The following COMMD9 variants were observed in gnomAD, a reference collection of about 807,000 sequenced individuals.
The protein encoded by COMMD9 is COMM domain-containing protein 9.
Under a neutral mutation model 23.4 loss-of-function variants are expected in COMMD9, and 22 were observed. The observed-to-expected ratio is 0.94, with a 90% CI of 0.67 to 1.34. COMMD9 has a LOEUF of 1.34. Among genes scored for constraint, COMMD9 ranks in the 40% most tolerant of loss-of-function variants. The pLI, the probability that COMMD9 is intolerant of heterozygous loss-of-function variation, is 0.00. For synonymous variants in COMMD9, 99 were observed against 97.4 expected, an observed-to-expected ratio of 1.02 and a Z score of -0.10; for missense variants, 231 against 240.2, an observed-to-expected ratio of 0.96 and a Z score of 0.25.
chr11:36,276,428 T>G (rs572746813), intron 4 of COMMD9, 188 bp from the exon 5 acceptor site: 1 of 543,854 alleles, frequency 1.8e-6, no homozygotes, highest in Non-Finnish European at 3.3e-6. Context: ...TGCTCTGTGC[T>G]GCCTGCACTT....
chr11:36,277,484 C>T (rs887664969), intron 3 of COMMD9, among the ~76,000 whole-genome samples: 3 of 152,196 alleles, frequency 2.0e-5, no homozygotes, highest in Non-Finnish European at 2.9e-5. Flanking sequence ...ACAAATATTG[C>T]ATCTTCTGCA....
At chr11:36,274,844 C>A (rs1002740465) in intron 5 of COMMD9, 72 bp from the exon 6 acceptor site, 4 of 1,575,024 alleles carry the variant, frequency 2.5e-6, no homozygotes, top group Non-Finnish European at 3.5e-6. Flanking sequence ...AGCCCTGAAC[C>A]TGCGAGGCTG....
At chr11:36,285,923 G>A (rs190709542) in intron 1 of COMMD9, among the ~76,000 whole-genome samples, 1 of 152,264 alleles carries the variant, frequency 6.6e-6, no homozygotes, top group Non-Finnish European at 1.5e-5. Flanking sequence ...AACCTACAGT[G>A]AACATTATAC....
intron 4 of COMMD9, 196 bp downstream of exon 4, chr11:36,276,893 T>C (rs2133424730): frequency 2.5e-6 from 1 of 403,140 alleles, no homozygotes. Context: ...TTTAACAACA[T>C]GCCTATATAA....
At chr11:36,282,522 A>C (rs1337144641) in intron 1 of COMMD9, among the ~76,000 whole-genome samples, 1 of 152,158 alleles carries the variant, frequency 6.6e-6, no homozygotes, top group East Asian at 1.9e-4. Flanking sequence ...GGAAAAAAAA[A>C]CTGTCAACCT....
chr11:36,280,202 A>G (rs917223620), intron 2 of COMMD9, among the ~76,000 whole-genome samples: 2 of 152,262 alleles, frequency 1.3e-5, no homozygotes, highest in Non-Finnish European at 2.9e-5. Context: ...TGTCACTGCT[A>G]CATAATAACT....
At chr11:36,278,441 A>C in intron 3 of COMMD9, 36 bp downstream of exon 3, 1 of 1,566,820 alleles carries the variant, frequency 6.4e-7, no homozygotes, top group Non-Finnish European at 8.8e-7. Flanking sequence ...AAGAAATGTA[A>C]AAGTTAGAAG....
intron 5 of COMMD9, 60 bp downstream of exon 5, chr11:36,276,077 T>C (rs1377917804): frequency 7.4e-6 from 9 of 1,216,196 alleles, no homozygotes. Flanking sequence ...TGGAGACTAG[T>C]GTTTTAGACG....
chr11:36,273,145 T>A lies in COMMD9; in HGVS notation c.*1487A>T, dbSNP rs989169797. The A allele has an allele frequency of 6.6e-6, 1 of 152,244 alleles. No homozygotes were observed. Among genetic ancestry groups the A allele is most frequent in the Admixed American group, 6.5e-5 (1 of 15,288 alleles). The allele number at this position is 152,244 out of a possible 1,614,324, so 9.4% of individuals were successfully genotyped here. A position where few individuals can be genotyped will look rare whatever the true frequency, so the allele number is the denominator to read the frequency against. Reference sequence around the variant, plus strand: ...AGTACAAAGTGGGTGAAAATTGAGATGTAGAAGTCAAGCACCTTACCACTG... The same window carrying A: ...AGTACAAAGTGGGTGAAAATTGAGAAGTAGAAGTCAAGCACCTTACCACTG... On this transcript the variant is annotated 3_prime_UTR_variant, in exon 6 of 6. Transcript: ENST00000263401.
At chr11:36,282,565 G>A (rs994265317) in intron 1 of COMMD9, among the ~76,000 whole-genome samples, 1 of 152,044 alleles carries the variant, frequency 6.6e-6, no homozygotes, top group Non-Finnish European at 1.5e-5. Flanking sequence ...TATCCTTCAG[G>A]AATGAAGAAG....
intron 1 of COMMD9, among the ~76,000 whole-genome samples, chr11:36,284,109 AAC>A: frequency 7.1e-6 from 1 of 141,712 alleles, no homozygotes; most frequent in Non-Finnish European, 1.6e-5. Context: ...CTGTCTCAAC[AAC>A]AACAACAACA....
chr11:36,282,356 T>C (rs576961373), intron 1 of COMMD9, among the ~76,000 whole-genome samples: 2 of 151,998 alleles, frequency 1.3e-5, no homozygotes, highest in African/African-American at 4.8e-5. Flanking sequence ...AGACATATAA[T>C]TGAACTTCGA....
At chr11:36,275,726 G>C (rs1855959416) in intron 5 of COMMD9, among the ~76,000 whole-genome samples, 1 of 152,228 alleles carries the variant, frequency 6.6e-6, no homozygotes, top group South Asian at 2.1e-4. Context: ...ACAGGCGTAA[G>C]CCACTGCTCC....
At chr11:36,281,642 G>GTGGC (rs1208267899) in intron 1 of COMMD9, among the ~76,000 whole-genome samples, 1 of 152,136 alleles carries the variant, frequency 6.6e-6, no homozygotes, top group Non-Finnish European at 1.5e-5. Context: ...TAGTAATGAG[G>GTGGC]TGGCACCCCC....
At chr11:36,288,823 A>G (rs1352626071) in intron 1 of COMMD9, among the ~76,000 whole-genome samples, 1 of 152,150 alleles carries the variant, frequency 6.6e-6, no homozygotes, top group Non-Finnish European at 1.5e-5. Context: ...ACTTCATTTG[A>G]GCTTTACAAA....
chr11:36,276,827 C>T, intron 4 of COMMD9: 1 of 324,140 alleles, frequency 3.1e-6, no homozygotes, highest in Non-Finnish European at 5.6e-6. Flanking sequence ...ATTTTTTTCA[C>T]AATTGAAATA....
chr11:36,277,208 T>A, intron 3 of COMMD9, 85 bp from the exon 4 acceptor site: 3 of 978,936 alleles, frequency 3.1e-6, no homozygotes, highest in Non-Finnish European at 4.4e-6. Flanking sequence ...TGGCCCTTCC[T>A]GTGATCTTCA....
chr11:36,289,316 C>A (rs370458200), intron 1 of COMMD9, 46 bp downstream of exon 1: 1 of 1,539,062 alleles, frequency 6.5e-7, no homozygotes, highest in Admixed American at 2.0e-5. Context: ...TCTAAAGTCT[C>A]GGAGACAAAG....
intron 1 of COMMD9, among the ~76,000 whole-genome samples, chr11:36,288,288 T>A (rs1856205600): frequency 6.6e-6 from 1 of 150,760 alleles, no homozygotes; most frequent in African/African-American, 2.4e-5. Context: ...AAACAGAGAC[T>A]ATTACATGGA....
Sources: gnomAD v4.1 joint callset for allele counts (sites outside exome capture counted in the v4.1 genomes callset) on GRCh38, gnomAD v4.1.1 for gene constraint, MANE v1.5 for transcripts, NCBI Gene and HGNC (gene_info 2026-07-23, HGNC 2026-07-21) for gene names.